Variants in COBL observed in about 807,000 individuals in gnomAD.
COBL encodes protein cordon-bleu.
COBL carries 51 observed loss-of-function variants against 98.8 expected under a neutral mutation model. That is an observed-to-expected ratio of 0.52 (90% CI 0.41 to 0.65). The LOEUF (loss-of-function observed/expected upper bound fraction) is 0.65. Ranked by LOEUF, COBL falls within the 30% of genes least tolerant of loss-of-function variation. COBL has a pLI of 0.00. For missense variants in COBL, 1,617 were observed against 1,617.5 expected (o/e 1.00, Z 0.01); for synonymous variants, 634 against 651.7 (o/e 0.97, Z 0.41).
In COBL at chr7:51,235,022, TC is replaced by T. The variant is rs1795112757; in HGVS notation, c.42-15079del. ...AAAGTTCTGTTCCCTCCACAACCTG[TC>T]TCTGGGGGTCCTGAGGGACAGTCTG... is the stretch of plus-strand genomic sequence containing the variant. On this transcript the variant is annotated intron_variant, in intron 1 of 12. Transcript: ENST00000265136. Among the ~76,000 whole-genome samples, 6 of 152,242 alleles carry T rather than the reference TC, an allele frequency of 3.9e-5. No homozygotes were observed. In the South Asian group the frequency reaches 1.2e-3, roughly 32 times the overall value.
At chr7:51,203,461 CAAAAAAAAAAAAA>C (rs1165738166) in intron 2 of COBL, among the ~76,000 whole-genome samples, 1 of 12,072 alleles carries the variant, frequency 8.3e-5, no homozygotes, top group Admixed American at 7.8e-4. Context: ...GACTCCGTCT[CAAAAAAAAAAAAA>C]AAAAAAAAAA....
At chr7:51,291,380 T>A (rs1800875701) in intron 1 of COBL, among the ~76,000 whole-genome samples, 1 of 152,064 alleles carries the variant, frequency 6.6e-6, no homozygotes. Flanking sequence ...TTGAACACAA[T>A]CTGGGAAATT....
chr7:51,160,931 T>G (rs1191851303), intron 5 of COBL, among the ~76,000 whole-genome samples: 1 of 151,182 alleles, frequency 6.6e-6, no homozygotes, highest in Non-Finnish European at 1.5e-5. Flanking sequence ...TGAGATGGAG[T>G]CTCACTCTGT....
At chr7:51,281,204 A>G (rs1799788569) in intron 1 of COBL, among the ~76,000 whole-genome samples, 1 of 152,208 alleles carries the variant, frequency 6.6e-6, no homozygotes, top group Non-Finnish European at 1.5e-5. Flanking sequence ...TCAACAGCAG[A>G]CTCACTGACT....
intron 1 of COBL, among the ~76,000 whole-genome samples, chr7:51,261,551 G>C (rs1393550274): frequency 6.6e-6 from 1 of 152,236 alleles, no homozygotes; most frequent in Non-Finnish European, 1.5e-5. Flanking sequence ...GCAGTGTGAT[G>C]ACATGTTTGG....
intron 1 of COBL, among the ~76,000 whole-genome samples, chr7:51,258,760 A>G (rs183909499): frequency 6.6e-6 from 1 of 152,374 alleles, no homozygotes; most frequent in Admixed American, 6.5e-5. Flanking sequence ...AGCAAAATAA[A>G]TGATTCATAT....
chr7:51,087,702 G>A (rs972136713), intron 6 of COBL, among the ~76,000 whole-genome samples: 15 of 151,666 alleles, frequency 9.9e-5, no homozygotes, highest in African/African-American at 3.6e-4. Flanking sequence ...TTGAACTCCT[G>A]GGCTCCAGTG....
chr7:51,023,516 C>T (rs553900999), intron 12 of COBL, among the ~76,000 whole-genome samples: 2 of 152,302 alleles, frequency 1.3e-5, no homozygotes, highest in South Asian at 4.1e-4. Context: ...GGAGCTGACC[C>T]AAGAGCCATC....
At position 51,029,318 on chromosome 7, in the gene COBL, G is replaced by A. The variant is rs759735301; in HGVS notation, c.1778C>T (p.Ala593Val). Reference protein sequence around the residue: ...QAEHSQPHEKAREEVPALHPA... With the variant: ...QAEHSQPHEKVREEVPALHPA... ...GTGCAGGGCAGGTACTTCCTCCCTT[G>A]CCTTTTCATGGGGCTGGCTGTGCTC... Residue 593 changes from alanine (A) to valine (V), a missense_variant, in exon 10 of 13, where the codon GCA (alanine) becomes GTA (valine). By Grantham distance (64) the Ala-to-Val change is moderately conservative. Transcript: ENST00000265136. 9 of 1,601,338 alleles carry A rather than the reference G, an allele frequency of 5.6e-6. No individual in the cohort carries two copies. The highest frequency in any genetic ancestry group is 1.3e-5 in the African/African-American group (1 of 74,694).
chr7:51,305,928 C>G (rs315104), intron 1 of COBL, among the ~76,000 whole-genome samples: 9,306 of 152,166 alleles, frequency 0.061, 538 homozygotes, highest in East Asian at 0.3. Flanking sequence ...CCCAGCTACT[C>G]AGGAGGCTGA....
chr7:51,024,328 TAAATAAAATAATA>T (rs1357140240), intron 12 of COBL, among the ~76,000 whole-genome samples: 3 of 151,736 alleles, frequency 2.0e-5, no homozygotes, highest in Non-Finnish European at 4.4e-5. Flanking sequence ...AATAAATAAA[TAAATAAAATAATA>T]AAATAAAATA....
chr7:51,125,700 T>C (rs1337482309), intron 6 of COBL, among the ~76,000 whole-genome samples: 6 of 152,150 alleles, frequency 3.9e-5, no homozygotes, highest in Admixed American at 2.0e-4. Context: ...ACACTAAATA[T>C]AACTGCCACG....
chr7:51,123,891 G>T (rs1797962874), intron 6 of COBL, among the ~76,000 whole-genome samples: 1 of 152,120 alleles, frequency 6.6e-6, no homozygotes, highest in African/African-American at 2.4e-5. Context: ...ACCCCCCTCT[G>T]CCAAGTGTTA....
intron 7 of COBL, among the ~76,000 whole-genome samples, chr7:51,051,863 A>AGGAT (rs1790270681): frequency 6.6e-6 from 1 of 151,674 alleles, no homozygotes; most frequent in African/African-American, 2.4e-5. Context: ...GCTTAGAATC[A>AGGAT]GTTCAGCTAC....
At chr7:51,076,535 CATT>C (rs757259377) in intron 7 of COBL, among the ~76,000 whole-genome samples, 1 of 152,178 alleles carries the variant, frequency 6.6e-6, no homozygotes, top group Non-Finnish European at 1.5e-5. Context: ...AAATGTAAAT[CATT>C]ATTATTATTA....
chr7:51,116,738 C>T (rs139215531), intron 6 of COBL, among the ~76,000 whole-genome samples: 1 of 152,068 alleles, frequency 6.6e-6, no homozygotes, highest in African/African-American at 2.4e-5. Context: ...TTAAGTGTTT[C>T]TTTTATGGAG....
At chr7:51,261,496 G>A (rs1253160288) in intron 1 of COBL, among the ~76,000 whole-genome samples, 1 of 152,202 alleles carries the variant, frequency 6.6e-6, no homozygotes, top group Non-Finnish European at 1.5e-5. Context: ...AAGCTACTGC[G>A]AAACACAAAA....
intron 1 of COBL, among the ~76,000 whole-genome samples, chr7:51,281,665 AAACCATGTTACTAT>A (rs796851952): frequency 3.3e-5 from 5 of 152,272 alleles, no homozygotes; most frequent in African/African-American, 1.2e-4. Context: ...AAAAAACTGT[AAACCATGTTACTAT>A]ATCCAGTAAA....
At chr7:51,303,769 C>T (rs1461754947) in intron 1 of COBL, among the ~76,000 whole-genome samples, 1 of 152,136 alleles carries the variant, frequency 6.6e-6, no homozygotes, top group Non-Finnish European at 1.5e-5. Flanking sequence ...CTGTATGGAT[C>T]CTTTCCTTAT....
Sources: gnomAD v4.1 joint callset for allele counts (sites outside exome capture counted in the v4.1 genomes callset) on GRCh38, gnomAD v4.1.1 for gene constraint, MANE v1.5 for transcripts, NCBI Gene and HGNC (gene_info 2026-07-23, HGNC 2026-07-21) for gene names.